DLG2: variants seen among roughly 807,000 people sequenced by gnomAD.
DLG2 encodes the protein disks large homolog 2.
In DLG2, 45 loss-of-function variants were observed where a neutral mutation model predicts 132.5. That is an observed-to-expected ratio of 0.34 (90% confidence interval 0.27 to 0.44). The LOEUF is 0.44. Among genes scored for constraint, DLG2 ranks in the 20% least tolerant of loss-of-function variants. DLG2 has a pLI of 1.00. For synonymous variants in DLG2, 424 were observed against 419.6 expected (o/e 1.01, Z -0.13); for missense variants, 1,045 against 1,196.9 (o/e 0.87, Z 1.87).
intron 11 of DLG2, among the ~76,000 whole-genome samples, chr11:84,025,755 G>C (rs769587910): frequency 6.6e-6 from 1 of 151,992 alleles, no homozygotes; most frequent in East Asian, 1.9e-4. Flanking sequence ...CAAAGCAGTT[G>C]ATTTTTTACC....
intron 8 of DLG2, among the ~76,000 whole-genome samples, chr11:84,178,405 A>C (rs2154277389): frequency 6.6e-6 from 1 of 152,256 alleles, no homozygotes; most frequent in East Asian, 1.9e-4. Flanking sequence ...GAAGACTGGA[A>C]GTTTGAGTGC....
intron 6 of DLG2, among the ~76,000 whole-genome samples, chr11:85,040,808 T>C (rs2061798136): frequency 6.6e-6 from 1 of 151,886 alleles, no homozygotes. Context: ...GCATAGAAAT[T>C]CACCAAGAGG....
intron 3 of DLG2, among the ~76,000 whole-genome samples, chr11:85,527,229 G>C (rs886538326): frequency 6.7e-6 from 1 of 150,052 alleles, no homozygotes; most frequent in East Asian, 2.0e-4. Flanking sequence ...TGCCAAATGT[G>C]TGGGTTTGTT....
At chr11:85,402,024 A>G (rs992159772) in intron 3 of DLG2, among the ~76,000 whole-genome samples, 30 of 152,116 alleles carry the variant, frequency 2.0e-4, no homozygotes, top group Non-Finnish European at 2.9e-4. Context: ...AAAAGAGCCC[A>G]CATAGCTAAG....
At chr11:85,426,001 G>C (rs1247522297) in intron 3 of DLG2, among the ~76,000 whole-genome samples, 1 of 152,206 alleles carries the variant, frequency 6.6e-6, no homozygotes, top group African/African-American at 2.4e-5. Flanking sequence ...TCCTGCGCCT[G>C]ATTCGGAGGG....
intron 6 of DLG2, among the ~76,000 whole-genome samples, chr11:84,677,168 G>A (rs1044652758): frequency 2.6e-5 from 4 of 152,056 alleles, no homozygotes; most frequent in African/African-American, 4.8e-5. Context: ...TCTTGGTTAC[G>A]GCATTCATTA....
intron 6 of DLG2, among the ~76,000 whole-genome samples, chr11:84,813,550 A>C (rs2076795474): frequency 6.6e-6 from 1 of 152,152 alleles, no homozygotes. Context: ...AAAAGAGCTA[A>C]GACTGAGAAG....
At chr11:84,000,338 A>C (rs532391812) in intron 11 of DLG2, among the ~76,000 whole-genome samples, 1 of 152,234 alleles carries the variant, frequency 6.6e-6, no homozygotes, top group Non-Finnish European at 1.5e-5. Flanking sequence ...AAAAGAAGAA[A>C]AGAGAATGAG....
intron 6 of DLG2, among the ~76,000 whole-genome samples, chr11:84,542,861 C>CA (rs1210178433): frequency 3.3e-5 from 5 of 152,262 alleles, no homozygotes; most frequent in African/African-American, 1.2e-4. Flanking sequence ...CCCTGCCAGC[C>CA]ACCTTCTTAT....
chr11:83,666,154 C>T (rs946635177), intron 18 of DLG2, among the ~76,000 whole-genome samples: 1 of 152,140 alleles, frequency 6.6e-6, no homozygotes, highest in Non-Finnish European at 1.5e-5. Context: ...TCTACTTCTG[C>T]CCTTTGCAGT....
intron 6 of DLG2, among the ~76,000 whole-genome samples, chr11:84,829,909 A>G (rs1009700570): frequency 3.2e-4 from 48 of 151,852 alleles, no homozygotes; most frequent in Admixed American, 9.2e-4. Context: ...AGAATGTACA[A>G]TCCTTTAATT....
In DLG2 at chr11:83,573,456, T is replaced by C. The variant is rs920935544; in HGVS notation, c.1941-31598A>G. Among the ~76,000 whole-genome samples, 57 of 152,312 alleles carry C rather than the reference T, an allele frequency of 3.7e-4. 1 individual carries two copies. Among genetic ancestry groups the C allele is most frequent in the African/African-American group, 1.3e-3 (53 of 41,574 alleles). On this transcript the variant is annotated intron_variant, in intron 19 of 27. Coordinates refer to ENST00000376104, the MANE Select transcript of DLG2 (RefSeq NM_001142699.3). Reference sequence around the variant, plus strand: ...CTGTTCAGAACTCTCTTCTTTCTCATATCAAAGTCTATTTACTACTAAAAT... The same window carrying C: ...CTGTTCAGAACTCTCTTCTTTCTCACATCAAAGTCTATTTACTACTAAAAT...
At chr11:85,424,479 G>A (rs966484542) in intron 3 of DLG2, among the ~76,000 whole-genome samples, 26 of 152,252 alleles carry the variant, frequency 1.7e-4, no homozygotes, top group African/African-American at 6.3e-4. Flanking sequence ...ATGATTCATT[G>A]AATAAGACAA....
chr11:83,875,666 G>A (rs2064586043), intron 15 of DLG2, among the ~76,000 whole-genome samples: 1 of 152,090 alleles, frequency 6.6e-6, no homozygotes, highest in African/African-American at 2.4e-5. Context: ...TATTTTGGTT[G>A]AAACACTATT....
intron 6 of DLG2, among the ~76,000 whole-genome samples, chr11:84,959,929 G>T (rs993357131): frequency 3.9e-5 from 6 of 152,160 alleles, no homozygotes; most frequent in African/African-American, 1.4e-4. Context: ...AGAAATTAGT[G>T]ACTTTAAAGA....
intron 6 of DLG2, among the ~76,000 whole-genome samples, chr11:84,728,456 G>C: frequency 6.6e-6 from 1 of 152,132 alleles, no homozygotes. Context: ...GATCGTGGTG[G>C]ATAAGCTTCC....
chr11:85,316,899 C>T (rs1370143630), intron 3 of DLG2, among the ~76,000 whole-genome samples: 1 of 151,738 alleles, frequency 6.6e-6, no homozygotes, highest in African/African-American at 2.4e-5. Context: ...TTATGGGAGA[C>T]ACAAAACTTA....
intron 3 of DLG2, among the ~76,000 whole-genome samples, chr11:85,521,805 C>A (rs369821769): frequency 1.3e-5 from 2 of 152,172 alleles, no homozygotes; most frequent in Middle Eastern, 3.4e-3. Flanking sequence ...TTTTGCCCTG[C>A]CCTAGAGATC....
intron 15 of DLG2, among the ~76,000 whole-genome samples, chr11:83,922,240 T>A (rs964627051): frequency 6.6e-6 from 1 of 152,120 alleles, no homozygotes; most frequent in Non-Finnish European, 1.5e-5. Context: ...AATCAAGGGG[T>A]ATTTCTTTCC....
Sources: allele counts gnomAD v4.1 joint callset (sites outside exome capture counted in the v4.1 genomes callset), GRCh38; gene constraint gnomAD v4.1.1; transcripts MANE v1.5; gene names NCBI Gene and HGNC (gene_info 2026-07-23, HGNC 2026-07-21).